Variants in RORA observed in about 807,000 individuals in gnomAD.
RORA encodes the protein nuclear receptor ROR-alpha.
A neutral mutation model predicts 69.5 loss-of-function variants in RORA; 7 were observed. The observed-to-expected ratio is 0.10, with a 90% CI of 0.06 to 0.19. The LOEUF (loss-of-function observed/expected upper bound fraction) is 0.19. Among genes scored for constraint, RORA ranks in the 10% least tolerant of loss-of-function variants. The pLI is 1.00. For synonymous variants in RORA, 261 were observed against 240.8 expected (o/e 1.08, Z -0.78); for missense variants, 457 against 663.0 (o/e 0.69, Z 3.41).
intron 1 of RORA, among the ~76,000 whole-genome samples, chr15:60,893,349 G>A (rs1489825264): frequency 6.6e-6 from 1 of 152,202 alleles, no homozygotes; most frequent in Non-Finnish European, 1.5e-5. Context: ...AGAGGGAATG[G>A]GATTAGGCTG....
intron 1 of RORA, among the ~76,000 whole-genome samples, chr15:60,769,369 G>A (rs2140879718): frequency 6.6e-6 from 1 of 152,256 alleles, no homozygotes; most frequent in Admixed American, 6.5e-5. Flanking sequence ...TTACATGGTA[G>A]GGGGAATCTG....
chr15:61,082,364 A>C (rs1023851406), intron 1 of RORA, among the ~76,000 whole-genome samples: 7 of 152,174 alleles, frequency 4.6e-5, no homozygotes, highest in Non-Finnish European at 1.0e-4. Flanking sequence ...TGGTGGGCAC[A>C]TGTAATCCCA....
chr15:61,191,365 CAA>C (rs55815707), intron 1 of RORA, among the ~76,000 whole-genome samples: 732 of 136,458 alleles, frequency 5.4e-3, no homozygotes, highest in Middle Eastern at 7.5e-3. Context: ...CTCCTTGTAG[CAA>C]AAAAAAAAAA....
At chr15:60,721,063 A>C (rs2071287257) in intron 1 of RORA, among the ~76,000 whole-genome samples, 1 of 152,156 alleles carries the variant, frequency 6.6e-6, no homozygotes, top group Non-Finnish European at 1.5e-5. Context: ...AAACACAGAA[A>C]CCTCAGTTCT....
intron 2 of RORA, among the ~76,000 whole-genome samples, chr15:60,669,785 T>A (rs1596111835): frequency 6.6e-6 from 1 of 152,242 alleles, no homozygotes; most frequent in Non-Finnish European, 1.5e-5. Flanking sequence ...TTGTGGTTTT[T>A]GCCATTGAAA....
At chr15:60,785,584 C>A (rs2072322649) in intron 1 of RORA, among the ~76,000 whole-genome samples, 1 of 152,208 alleles carries the variant, frequency 6.6e-6, no homozygotes, top group Non-Finnish European at 1.5e-5. Flanking sequence ...CAAGTCAGGT[C>A]TCTCGTCTGT....
intron 1 of RORA, among the ~76,000 whole-genome samples, chr15:60,991,351 G>C (rs146860356): frequency 2.6e-5 from 4 of 152,272 alleles, no homozygotes; most frequent in Admixed American, 6.5e-5. Flanking sequence ...CTACAGACTG[G>C]GTAAGGGGAG....
At chr15:61,175,549 A>AAAAAAAAAT (rs2079620700) in intron 1 of RORA, among the ~76,000 whole-genome samples, 1 of 151,308 alleles carries the variant, frequency 6.6e-6, no homozygotes, top group East Asian at 1.9e-4. Flanking sequence ...TCTAAAAAAA[A>AAAAAAAAAT]AAAAAAAAAA....
chr15:60,885,704 T>C (rs753130834), intron 1 of RORA, among the ~76,000 whole-genome samples: 4 of 152,226 alleles, frequency 2.6e-5, no homozygotes, highest in Non-Finnish European at 4.4e-5. Context: ...TGCAGTACAA[T>C]GCAAATGCTA....
chr15:60,796,892 G>T (rs1224872813), intron 1 of RORA, among the ~76,000 whole-genome samples: 23 of 151,650 alleles, frequency 1.5e-4, no homozygotes. Context: ...GCTACATCCT[G>T]GATGACCCTT....
chr15:60,618,259 C>A (rs3784610), intron 2 of RORA, among the ~76,000 whole-genome samples: 29,614 of 152,096 alleles, frequency 0.19, 3,560 homozygotes, highest in East Asian at 0.44. Context: ...GCTTGGGTAC[C>A]AGCATTCAAG....
chr15:60,850,979 A>G lies in RORA; in HGVS notation c.167-172293T>C, dbSNP rs1026070498. Among the ~76,000 whole-genome samples, 323 of 152,286 alleles carry G rather than the reference A, an allele frequency of 2.1e-3. 3 individuals carry two copies. Among genetic ancestry groups the G allele is most frequent in the Middle Eastern group, 3.4e-3 (1 of 294 alleles). ...ATTATTTTCATTCTTTTTCCCTCACACAAAGCACCGGAGCACATTTCATTC... is the reference window on the plus strand; with the variant it reads ...ATTATTTTCATTCTTTTTCCCTCACGCAAAGCACCGGAGCACATTTCATTC... On this transcript the variant is annotated intron_variant, in intron 1 of 10. Coordinates refer to ENST00000335670, the MANE Select transcript of RORA (RefSeq NM_134261.3).
chr15:61,013,260 A>G (rs1434754755), intron 1 of RORA, among the ~76,000 whole-genome samples: 1 of 152,234 alleles, frequency 6.6e-6, no homozygotes, highest in Non-Finnish European at 1.5e-5. Context: ...CTTCTTGTAA[A>G]TAGAGTTTTA....
intron 1 of RORA, among the ~76,000 whole-genome samples, chr15:61,124,098 C>A (rs75651230): frequency 0.027 from 4,163 of 152,294 alleles, 191 homozygotes; most frequent in African/African-American, 0.095. Context: ...CTGCTGATTC[C>A]CTTCAAAGCA....
chr15:60,831,252 C>T (rs1339606133), intron 1 of RORA, among the ~76,000 whole-genome samples: 1 of 152,174 alleles, frequency 6.6e-6, no homozygotes, highest in Non-Finnish European at 1.5e-5. Context: ...TCTATTGAAA[C>T]TTCTAATGAG....
intron 1 of RORA, among the ~76,000 whole-genome samples, chr15:61,174,500 CA>C (rs1329729902): frequency 1.3e-5 from 2 of 152,182 alleles, no homozygotes; most frequent in African/African-American, 4.8e-5. Context: ...ATGCCACTGG[CA>C]AAAGAGGGGC....
At chr15:60,856,176 A>G (rs1265612484) in intron 1 of RORA, among the ~76,000 whole-genome samples, 1 of 152,190 alleles carries the variant, frequency 6.6e-6, no homozygotes, top group Non-Finnish European at 1.5e-5. Context: ...GATGAAGTGG[A>G]AAAGGAAAAG....
chr15:60,906,392 C>A (rs904930583), intron 1 of RORA, among the ~76,000 whole-genome samples: 2 of 152,318 alleles, frequency 1.3e-5, no homozygotes, highest in Admixed American at 1.3e-4. Flanking sequence ...AACCCCCCAA[C>A]TACCACATGT....
chr15:60,545,864 C>T (rs925741754), intron 2 of RORA, among the ~76,000 whole-genome samples: 6 of 152,094 alleles, frequency 3.9e-5, no homozygotes, highest in Admixed American at 1.3e-4. Flanking sequence ...GTGGGGCAGG[C>T]GAGATCTCAG....
Sources: allele counts gnomAD v4.1 joint callset (sites outside exome capture counted in the v4.1 genomes callset), GRCh38; gene constraint gnomAD v4.1.1; transcripts MANE v1.5; gene names NCBI Gene and HGNC (gene_info 2026-07-23, HGNC 2026-07-21).